The following TNFAIP8 variants were observed in gnomAD, a reference collection of about 807,000 sequenced individuals.
TNFAIP8 encodes TNF alpha induced protein 8, also known as tumor necrosis factor alpha-induced protein 8.
In TNFAIP8, 7 loss-of-function variants were observed where a neutral mutation model predicts 13.3. The observed-to-expected ratio is 0.52, with a 90% confidence interval of 0.30 to 0.99. TNFAIP8 has a LOEUF of 0.99. TNFAIP8 is among the 50% of genes least tolerant of loss of function. TNFAIP8 has a pLI of 0.07. For missense variants in TNFAIP8, 258 were observed against 236.9 expected, an observed-to-expected ratio of 1.09 and a Z score of -0.58; for synonymous variants, 94 against 87.6, an observed-to-expected ratio of 1.07 and a Z score of -0.41.
chr5:119,378,265 G>A (rs1257453441), intron 1 of TNFAIP8, among the ~76,000 whole-genome samples: 1 of 152,218 alleles, frequency 6.6e-6, no homozygotes, highest in South Asian at 2.1e-4. Flanking sequence ...ACTTCACAGA[G>A]AATATAAATG....
At chr5:119,392,421 C>T (rs893281506) in intron 1 of TNFAIP8, among the ~76,000 whole-genome samples, 1 of 151,950 alleles carries the variant, frequency 6.6e-6, no homozygotes, top group African/African-American at 2.4e-5. Context: ...GACAGAGTCT[C>T]GCTGTGTCAC....
chr5:119,269,448 G>GTA (rs1294972915), intron 1 of TNFAIP8, among the ~76,000 whole-genome samples: 1 of 152,128 alleles, frequency 6.6e-6, no homozygotes, highest in African/African-American at 2.4e-5. Flanking sequence ...GTGTGTGTGT[G>GTA]TGTATGTGTG....
chr5:119,316,590 A>C (rs1749902745), intron 1 of TNFAIP8, among the ~76,000 whole-genome samples: 1 of 152,188 alleles, frequency 6.6e-6, no homozygotes, highest in Admixed American at 6.5e-5. Flanking sequence ...GATGGTATTG[A>C]TAAACTCTAA....
At chr5:119,376,175 T>C (rs1030761347) in intron 1 of TNFAIP8, among the ~76,000 whole-genome samples, 1 of 151,820 alleles carries the variant, frequency 6.6e-6, no homozygotes, top group Non-Finnish European at 1.5e-5. Context: ...AGTGCAGTGG[T>C]GCAATCTCGG....
intron 1 of TNFAIP8, among the ~76,000 whole-genome samples, chr5:119,308,380 T>C (rs1230664961): frequency 3.3e-5 from 5 of 150,170 alleles, no homozygotes; most frequent in African/African-American, 1.2e-4. Flanking sequence ...TTCTCTCTTC[T>C]ACGTTTCCCA....
At chr5:119,358,650 T>C (rs1311322358) in intron 1 of TNFAIP8, among the ~76,000 whole-genome samples, 1 of 152,190 alleles carries the variant, frequency 6.6e-6, no homozygotes, top group East Asian at 1.9e-4. Context: ...ATCAACAGTT[T>C]CCAGTGGATG....
intron 1 of TNFAIP8, among the ~76,000 whole-genome samples, chr5:119,328,439 A>G (rs1328209718): frequency 1.3e-5 from 2 of 152,258 alleles, no homozygotes; most frequent in Non-Finnish European, 2.9e-5. Context: ...GTGCTTGGCT[A>G]GCATTCTCTG....
chr5:119,332,543 G>GGA (rs1750418906), intron 1 of TNFAIP8, among the ~76,000 whole-genome samples: 1 of 152,080 alleles, frequency 6.6e-6, no homozygotes. Context: ...TACCATGTAG[G>GGA]GAGAGTAAGA....
intron 1 of TNFAIP8, among the ~76,000 whole-genome samples, chr5:119,312,850 T>A (rs1749776302): frequency 6.6e-6 from 1 of 151,282 alleles, no homozygotes; most frequent in South Asian, 2.1e-4. Context: ...AGCTCTCAGA[T>A]CATGCAGAAT....
intron 1 of TNFAIP8, among the ~76,000 whole-genome samples, chr5:119,358,895 T>C (rs1395758151): frequency 6.6e-6 from 1 of 152,162 alleles, no homozygotes; most frequent in African/African-American, 2.4e-5. Context: ...TGTGGGGACT[T>C]GGAAAAGAGT....
intron 1 of TNFAIP8, among the ~76,000 whole-genome samples, chr5:119,275,049 G>T (rs1229348801): frequency 3.5e-5 from 5 of 144,824 alleles, no homozygotes; most frequent in African/African-American, 1.3e-4. Flanking sequence ...AAGAGCTCTT[G>T]AAAGTACAGA....
intron 1 of TNFAIP8, among the ~76,000 whole-genome samples, chr5:119,389,989 C>T (rs1406950953): frequency 6.6e-6 from 1 of 152,022 alleles, no homozygotes; most frequent in Non-Finnish European, 1.5e-5. Context: ...TTTTGTTTTC[C>T]ATGTTTGAAG....
chr5:119,356,437 G>A (rs1751421577), intron 1 of TNFAIP8, among the ~76,000 whole-genome samples: 1 of 151,972 alleles, frequency 6.6e-6, no homozygotes, highest in Non-Finnish European at 1.5e-5. Context: ...AATGTGCTTG[G>A]AAAAGGGCTG....
chr5:119,332,846 G>T (rs1232513785), intron 1 of TNFAIP8, among the ~76,000 whole-genome samples: 2 of 152,070 alleles, frequency 1.3e-5, no homozygotes, highest in Admixed American at 6.5e-5. Flanking sequence ...ATGTGTACAT[G>T]TGTGTATTGT....
chr5:119,309,210 T>A (rs554825695), intron 1 of TNFAIP8, among the ~76,000 whole-genome samples: 1 of 152,354 alleles, frequency 6.6e-6, no homozygotes, highest in Admixed American at 6.5e-5. Flanking sequence ...CAGTGACAAA[T>A]AATAATTTTA....
chr5:119,310,380 A>G (rs1749692520), intron 1 of TNFAIP8, among the ~76,000 whole-genome samples: 1 of 152,212 alleles, frequency 6.6e-6, no homozygotes, highest in South Asian at 2.1e-4. Context: ...CAGCAGGGAT[A>G]CTTCGCTGGA....
intron 1 of TNFAIP8, among the ~76,000 whole-genome samples, chr5:119,298,038 G>A (rs1749234473): frequency 6.6e-6 from 1 of 152,204 alleles, no homozygotes; most frequent in Non-Finnish European, 1.5e-5. Flanking sequence ...ACAGCACACT[G>A]ATGGGTCTTG....
At position 119,397,143 on chromosome 5, in the gene TNFAIP8, AC is replaced by A. The variant is rs1388451728; in HGVS notation, c.*3763del. 2.0e-5 allele frequency: 3 copies of A among 152,082 alleles called. No homozygotes were observed. The highest frequency in any genetic ancestry group is 7.2e-5 in the African/African-American group (3 of 41,504). 9.4% of individuals were successfully genotyped at this position (152,082 alleles called of 1,614,324 possible). A position where few individuals can be genotyped will look rare whatever the true frequency, so the allele number is the denominator to read the frequency against. On this transcript the variant is annotated 3_prime_UTR_variant, in exon 2 of 2. Transcript: ENST00000504771. The stretch of plus-strand genomic sequence containing the variant: ...CATGTGAATACACACACACACACAC[AC>A]ACACACACAATTTTTAAGCCCCCAA...
At chr5:119,362,154 A>G (rs6595186) in intron 1 of TNFAIP8, among the ~76,000 whole-genome samples, 114,194 of 152,106 alleles carry the variant, frequency 0.75, 43,932 homozygotes, top group African/African-American at 0.93. Flanking sequence ...TGATGGACAG[A>G]AGTGACTTCA....
Sources: allele counts gnomAD v4.1 joint callset (sites outside exome capture counted in the v4.1 genomes callset), GRCh38; gene constraint gnomAD v4.1.1; transcripts MANE v1.5; gene names NCBI Gene and HGNC (gene_info 2026-07-23, HGNC 2026-07-21).